The following PPEF2 variants were observed in gnomAD, a reference collection of about 807,000 sequenced individuals.
PPEF2 encodes protein phosphatase with EF-hand domain 2.
In PPEF2, 84 loss-of-function variants were observed where a neutral mutation model predicts 84.7. The ratio of observed to expected loss-of-function variants is 0.99; its 90% confidence interval spans 0.83 to 1.19. PPEF2 has a LOEUF of 1.19. PPEF2 is among the 50% of genes most tolerant of loss of function. The probability of loss-of-function intolerance (pLI) is 0.00; values close to 1 mark genes in which losing one functional copy is unlikely to be tolerated. For missense variants in PPEF2, 924 were observed against 937.5 expected, an observed-to-expected ratio of 0.99 and a Z score of 0.19; for synonymous variants, 346 against 345.2, an observed-to-expected ratio of 1.00 and a Z score of -0.03.
chr4:75,874,033 G>A (rs989386079), intron 11 of PPEF2, among the ~76,000 whole-genome samples: 13 of 151,810 alleles, frequency 8.6e-5, no homozygotes, highest in African/African-American at 2.2e-4. Context: ...ACTGTAACCC[G>A]GAAGAGGGAA....
intron 16 of PPEF2, among the ~76,000 whole-genome samples, chr4:75,862,226 G>T (rs1459048717): frequency 6.8e-6 from 1 of 146,108 alleles, no homozygotes; most frequent in Non-Finnish European, 1.5e-5. Context: ...CCAGGAGGCG[G>T]AGGTTGCAGT....
intron 13 of PPEF2, among the ~76,000 whole-genome samples, chr4:75,869,111 T>TCCCATGCTAA (rs1316408861): frequency 3.9e-5 from 6 of 152,216 alleles, no homozygotes; most frequent in Non-Finnish European, 7.3e-5. Context: ...TGTTGTTTTA[T>TCCCATGCTAA]CAGAGGCTAA....
chr4:75,870,908 T>TTATTTATTTTA (rs1724255051), intron 13 of PPEF2, among the ~76,000 whole-genome samples: 1 of 151,406 alleles, frequency 6.6e-6, no homozygotes, highest in African/African-American at 2.4e-5. Context: ...TATTTATTTT[T>TTATTTATTTTA]ATTTTACTTT....
chr4:75,892,746 G>A (rs976672799), intron 2 of PPEF2, among the ~76,000 whole-genome samples: 5 of 152,206 alleles, frequency 3.3e-5, no homozygotes, highest in African/African-American at 1.2e-4. Context: ...AGGTTAGGGT[G>A]TGGAGTTTCA....
chr4:75,889,284 G>A (rs531218078), intron 5 of PPEF2: 2 of 152,490 alleles, frequency 1.3e-5, no homozygotes, highest in Non-Finnish European at 2.9e-5. Context: ...TCTTTTGGAA[G>A]AATAAAAGTC....
chr4:75,863,404 G>C (rs1185019119), intron 16 of PPEF2, among the ~76,000 whole-genome samples: 2 of 151,270 alleles, frequency 1.3e-5, no homozygotes, highest in South Asian at 2.1e-4. Flanking sequence ...GGAGGCTGAG[G>C]CAGGAGAATC....
intron 2 of PPEF2, among the ~76,000 whole-genome samples, chr4:75,893,482 ACT>A (rs1479312028): frequency 2.0e-5 from 2 of 102,248 alleles, no homozygotes; most frequent in Non-Finnish European, 3.8e-5. Context: ...TGGGCTAGAG[ACT>A]CTGACACACA....
At chr4:75,862,128 A>G (rs1243092125) in intron 16 of PPEF2, among the ~76,000 whole-genome samples, 2 of 151,508 alleles carry the variant, frequency 1.3e-5, no homozygotes, top group South Asian at 4.2e-4. Flanking sequence ...CCCCGTCTCT[A>G]CTAAAAATAC....
At chr4:75,864,217 T>C (rs1351551591) in intron 16 of PPEF2, among the ~76,000 whole-genome samples, 3 of 152,192 alleles carry the variant, frequency 2.0e-5, no homozygotes, top group South Asian at 2.1e-4. Flanking sequence ...GAAGCTCTCA[T>C]TCAGTTTGTC....
intron 10 of PPEF2, among the ~76,000 whole-genome samples, chr4:75,879,566 T>G (rs1724512572): frequency 6.6e-6 from 1 of 152,086 alleles, no homozygotes; most frequent in South Asian, 2.1e-4. Flanking sequence ...AATTGTAGAG[T>G]TTTTTTGTCA....
At chr4:75,870,999 C>A (rs568990340) in intron 13 of PPEF2, among the ~76,000 whole-genome samples, 1 of 2,506 alleles carries the variant, frequency 4.0e-4, no homozygotes, top group African/African-American at 4.3e-4. Context: ...TCACTGCAAC[C>A]TCCAACCTCC....
chr4:75,871,902 G>T, intron 13 of PPEF2, 123 bp downstream of exon 13: 1 of 1,093,834 alleles, frequency 9.1e-7, no homozygotes. Context: ...ACTTCATGCT[G>T]ACATAGCCAA....
chr4:75,865,068 C>G (rs1276645890), intron 15 of PPEF2, among the ~76,000 whole-genome samples: 2 of 151,722 alleles, frequency 1.3e-5, no homozygotes, highest in East Asian at 2.0e-4. Flanking sequence ...TCCCAAGTAG[C>G]TGGGATTACA....
chr4:75,880,079 C>T (rs563039275), intron 10 of PPEF2, among the ~76,000 whole-genome samples: 40 of 152,240 alleles, frequency 2.6e-4, no homozygotes, highest in African/African-American at 7.9e-4. Flanking sequence ...CCGCCCGCCT[C>T]GGCCTCCCAA....
chr4:75,860,621 G>A lies in PPEF2; in HGVS notation c.*46C>T. On this transcript the variant is annotated 3_prime_UTR_variant, in exon 17 of 17. Transcript: ENST00000286719. ...AAGGGAGATAGTCTAGTGAGAAGCT[G>A]AGCATTGCCTATGAGGCACTTTGGG... 6.2e-7 allele frequency: 1 copy of A among 1,605,154 alleles called. No individual in the cohort carries two copies. The highest frequency in any genetic ancestry group is 8.5e-7 in the Non-Finnish European group (1 of 1,174,280).
intron 11 of PPEF2, among the ~76,000 whole-genome samples, chr4:75,874,554 C>T (rs926611323): frequency 1.3e-5 from 2 of 152,192 alleles, no homozygotes; most frequent in African/African-American, 2.4e-5. Flanking sequence ...CCACCTCAGC[C>T]TCCCAAAGTG....
intron 10 of PPEF2, chr4:75,881,581 A>G (rs1724575583): frequency 6.6e-6 from 1 of 152,190 alleles, no homozygotes; most frequent in African/African-American, 2.4e-5. Flanking sequence ...AAAACAAACA[A>G]ACAAAAAAAG....
At chr4:75,887,698 G>A (rs1178585850) in intron 6 of PPEF2, among the ~76,000 whole-genome samples, 1 of 152,122 alleles carries the variant, frequency 6.6e-6, no homozygotes, top group Non-Finnish European at 1.5e-5. Context: ...GACCCTAGCA[G>A]GGCCAGTTAC....
At position 75,884,770 on chromosome 4, in the gene PPEF2, A is replaced by T. The variant is rs1310070735; in HGVS notation, c.580-10T>A. ...GCGACGGGAGGCCATTCTTTTCAACAAGGAGACCAGTGAAAGAATGAATGG... is the reference window on the plus strand; with the variant it reads ...GCGACGGGAGGCCATTCTTTTCAACTAGGAGACCAGTGAAAGAATGAATGG... On this transcript the variant is annotated splice_polypyrimidine_tract_variant and intron_variant, in intron 7 of 16. Coordinates refer to ENST00000286719, the MANE Select transcript of PPEF2 (RefSeq NM_006239.3). The T allele has an allele frequency of 6.4e-7, 1 of 1,565,454 alleles. No individual in the cohort carries two copies. The highest frequency in any genetic ancestry group is 8.6e-7 in the Non-Finnish European group (1 of 1,158,154).
Sources: gnomAD v4.1 joint callset for allele counts (sites outside exome capture counted in the v4.1 genomes callset) on GRCh38, gnomAD v4.1.1 for gene constraint, MANE v1.5 for transcripts, NCBI Gene and HGNC (gene_info 2026-07-23, HGNC 2026-07-21) for gene names.